CPNE8: variants seen among roughly 807,000 people sequenced by gnomAD.
The protein encoded by CPNE8 is copine-8.
CPNE8 carries 45 observed loss-of-function variants against 81.5 expected under a neutral mutation model. The observed-to-expected ratio is 0.55, with a 90% CI of 0.44 to 0.71. The LOEUF is 0.71. Among genes scored for constraint, CPNE8 ranks in the 30% least tolerant of loss-of-function variants. The pLI, the probability that CPNE8 is intolerant of heterozygous loss-of-function variation, is 0.00. For synonymous variants in CPNE8, 252 were observed against 226.3 expected, an observed-to-expected ratio of 1.11 and a Z score of -1.02; for missense variants, 594 against 672.1, an observed-to-expected ratio of 0.88 and a Z score of 1.28.
intron 3 of CPNE8, among the ~76,000 whole-genome samples, chr12:38,859,821 T>C (rs1943803109): frequency 6.6e-6 from 1 of 152,134 alleles, no homozygotes; most frequent in Non-Finnish European, 1.5e-5. Flanking sequence ...AGAGATCATT[T>C]CTTCAACAGA....
intron 19 of CPNE8, among the ~76,000 whole-genome samples, chr12:38,657,158 G>C (rs1327244326): frequency 6.6e-6 from 1 of 152,102 alleles, no homozygotes; most frequent in African/African-American, 2.4e-5. Context: ...CCTGGAAAAA[G>C]GGGACACTCC....
At chr12:38,836,132 A>G (rs988494740) in intron 5 of CPNE8, among the ~76,000 whole-genome samples, 1 of 152,174 alleles carries the variant, frequency 6.6e-6, no homozygotes, top group Non-Finnish European at 1.5e-5. Context: ...TAGGTTCACT[A>G]GTACCTTACA....
intron 6 of CPNE8, among the ~76,000 whole-genome samples, chr12:38,798,760 G>C (rs1320552986): frequency 6.6e-6 from 1 of 152,106 alleles, no homozygotes; most frequent in Non-Finnish European, 1.5e-5. Context: ...TGGCAAATTG[G>C]ATAAAGACTC....
intron 16 of CPNE8, among the ~76,000 whole-genome samples, chr12:38,679,288 A>G (rs998832518): frequency 2.0e-5 from 3 of 151,812 alleles, no homozygotes; most frequent in Non-Finnish European, 4.4e-5. Flanking sequence ...GGCTTAACTG[A>G]TTTTCTTTGG....
chr12:38,760,451 A>ATATATATATATGTG (rs749406707), intron 10 of CPNE8, among the ~76,000 whole-genome samples: 1,763 of 120,148 alleles, frequency 0.015, 24 homozygotes, highest in Middle Eastern at 0.048. Flanking sequence ...ATATATATAT[A>ATATATATATATGTG]TGTGTGTGTA....
At chr12:38,856,489 A>G (rs538457130) in intron 3 of CPNE8, among the ~76,000 whole-genome samples, 2 of 152,278 alleles carry the variant, frequency 1.3e-5, no homozygotes, top group Non-Finnish European at 2.9e-5. Context: ...TCAACAGCAC[A>G]TTAAAAGGAT....
chr12:38,736,497 CTGTT>C (rs1940956770), intron 10 of CPNE8, among the ~76,000 whole-genome samples: 1 of 118,868 alleles, frequency 8.4e-6, no homozygotes, highest in African/African-American at 3.1e-5. Flanking sequence ...AATTGTATGC[CTGTT>C]TAGTTACGCC....
At chr12:38,742,572 T>G (rs1344720144) in intron 10 of CPNE8, among the ~76,000 whole-genome samples, 1 of 151,516 alleles carries the variant, frequency 6.6e-6, no homozygotes, top group African/African-American at 2.4e-5. Flanking sequence ...GAGATATACC[T>G]AATGTAAATG....
At chr12:38,851,030 G>A (rs1175321591) in intron 3 of CPNE8, among the ~76,000 whole-genome samples, 1 of 152,180 alleles carries the variant, frequency 6.6e-6, no homozygotes, top group Non-Finnish European at 1.5e-5. Context: ...GCCATCATTT[G>A]CCCTTCCGTC....
chr12:38,735,596 A>T (rs1181533581), intron 10 of CPNE8, among the ~76,000 whole-genome samples: 2 of 152,062 alleles, frequency 1.3e-5, no homozygotes, highest in African/African-American at 4.8e-5. Context: ...TTCTTATACG[A>T]TAACATCAAC....
At chr12:38,797,895 G>A (rs573444471) in intron 6 of CPNE8, among the ~76,000 whole-genome samples, 1 of 152,180 alleles carries the variant, frequency 6.6e-6, no homozygotes, top group Non-Finnish European at 1.5e-5. Flanking sequence ...AGAACTACGT[G>A]AAGAATGCAG....
At chr12:38,737,190 T>A (rs1352123) in intron 10 of CPNE8, among the ~76,000 whole-genome samples, 1 of 151,390 alleles carries the variant, frequency 6.6e-6, no homozygotes, top group Non-Finnish European at 1.5e-5. Flanking sequence ...TATAAAATGA[T>A]GACATATTCA....
At chr12:38,838,386 C>T (rs540343359) in intron 5 of CPNE8, among the ~76,000 whole-genome samples, 1 of 152,118 alleles carries the variant, frequency 6.6e-6, no homozygotes, top group Non-Finnish European at 1.5e-5. Context: ...ACTCACCACC[C>T]TGTTTCCAGT....
chr12:38,764,023 C>T (rs1941625075), intron 8 of CPNE8, among the ~76,000 whole-genome samples: 1 of 152,112 alleles, frequency 6.6e-6, no homozygotes, highest in African/African-American at 2.4e-5. Flanking sequence ...GGCATCCGTG[C>T]CTTCTCCTTC....
At chr12:38,824,798 T>C (rs1943163647) in intron 6 of CPNE8, among the ~76,000 whole-genome samples, 1 of 152,178 alleles carries the variant, frequency 6.6e-6, no homozygotes, top group Non-Finnish European at 1.5e-5. Flanking sequence ...GGAGGTGTCC[T>C]ATGCTGCAAT....
chr12:38,813,251 A>T (rs76012963), intron 6 of CPNE8, among the ~76,000 whole-genome samples: 5,785 of 152,278 alleles, frequency 0.038, 282 homozygotes, highest in East Asian at 0.18. Context: ...ATGAGACCAT[A>T]CACATCAAAG....
intron 9 of CPNE8, among the ~76,000 whole-genome samples, chr12:38,761,155 GGGAT>G (rs1941563796): frequency 6.6e-6 from 1 of 152,156 alleles, no homozygotes; most frequent in African/African-American, 2.4e-5. Context: ...GCTCCTCAAA[GGGAT>G]GGTATGCACC....
At chr12:38,702,321 A>T (rs1234849819) in intron 14 of CPNE8, among the ~76,000 whole-genome samples, 1 of 152,160 alleles carries the variant, frequency 6.6e-6, no homozygotes, top group Non-Finnish European at 1.5e-5. Context: ...ATAAATTATG[A>T]ATATCCATAC....
chr12:38,717,429 G>GTATATATATATATATATTATATA (rs1940427809), intron 13 of CPNE8, among the ~76,000 whole-genome samples: 1 of 87,052 alleles, frequency 1.1e-5, no homozygotes, highest in Admixed American at 1.5e-4. Flanking sequence ...AAAGTGTGGT[G>GTATATATATATATATATTATATA]TATATATATA....
Sources: allele counts gnomAD v4.1 joint callset (sites outside exome capture counted in the v4.1 genomes callset), GRCh38; gene constraint gnomAD v4.1.1; transcripts MANE v1.5; gene names NCBI Gene and HGNC (gene_info 2026-07-23, HGNC 2026-07-21).